The following COX7B2 variants were observed in gnomAD, a reference collection of about 807,000 sequenced individuals.
The protein encoded by COX7B2 is cytochrome c oxidase subunit 7B2, mitochondrial.
For synonymous variants in COX7B2, 37 were observed against 32.1 expected, an observed-to-expected ratio of 1.15 and a Z score of -0.51; for missense variants, 109 against 95.9, an observed-to-expected ratio of 1.14 and a Z score of -0.57.
chr4:46,834,737 A>G (rs953040540), intron 2 of COX7B2, among the ~76,000 whole-genome samples: 2 of 152,156 alleles, frequency 1.3e-5, no homozygotes, highest in East Asian at 1.9e-4. Context: ...AGTGTGCATA[A>G]TATTACTAAA....
At chr4:46,744,051 T>G (rs953645659) in intron 2 of COX7B2, among the ~76,000 whole-genome samples, 3 of 152,224 alleles carry the variant, frequency 2.0e-5, no homozygotes, top group African/African-American at 7.2e-5. Context: ...GCAGTTTTAA[T>G]ATTTGTGCAG....
At chr4:46,898,476 G>T (rs550091954) in intron 1 of COX7B2, among the ~76,000 whole-genome samples, 1 of 152,220 alleles carries the variant, frequency 6.6e-6, no homozygotes, top group Non-Finnish European at 1.5e-5. Flanking sequence ...GGAGTGCAGT[G>T]GTGTGATCAT....
chr4:46,900,060 A>C (rs756846832), intron 1 of COX7B2, among the ~76,000 whole-genome samples: 1 of 152,226 alleles, frequency 6.6e-6, no homozygotes, highest in Non-Finnish European at 1.5e-5. Flanking sequence ...AATCTGTAGC[A>C]ATTTGTTTCC....
Position 46,786,665 on chromosome 4 carries a change from C to T in COX7B2, c.-49-51424G>A, listed in dbSNP as rs140240164. ...AATTCTTCACCTTAGGGTTTACAGC[C>T]TGGTAGGATGTGAAAGTAGCCTGAA... is the stretch of plus-strand genomic sequence containing the variant. On this transcript the variant is annotated intron_variant, in intron 2 of 2. Coordinates refer to ENST00000355591, the MANE Select transcript of COX7B2 (RefSeq NM_130902.3). Among the ~76,000 whole-genome samples, 7 of 152,150 alleles carry T rather than the reference C, an allele frequency of 4.6e-5. No individual in the cohort carries two copies. The East Asian group carries it at 7.7e-4, about 17-fold the overall frequency.
At chr4:46,784,563 T>C (rs1717652107) in intron 2 of COX7B2, among the ~76,000 whole-genome samples, 1 of 152,080 alleles carries the variant, frequency 6.6e-6, no homozygotes, top group Admixed American at 6.6e-5. Context: ...AGGCGGAGGT[T>C]GCAGTGAGCC....
intron 2 of COX7B2, among the ~76,000 whole-genome samples, chr4:46,776,544 G>A (rs534690248): frequency 3.2e-4 from 48 of 152,154 alleles, no homozygotes; most frequent in African/African-American, 1.0e-3. Flanking sequence ...ATGATTAAGC[G>A]TGTAAAGTAC....
chr4:46,891,031 A>G (rs1719403262), intron 1 of COX7B2, among the ~76,000 whole-genome samples: 1 of 152,220 alleles, frequency 6.6e-6, no homozygotes, highest in African/African-American at 2.4e-5. Flanking sequence ...GGAAATGAAG[A>G]GGAATGGTTA....
intron 2 of COX7B2, among the ~76,000 whole-genome samples, chr4:46,840,437 C>G (rs902828529): frequency 6.6e-6 from 1 of 151,986 alleles, no homozygotes; most frequent in African/African-American, 2.4e-5. Flanking sequence ...CAAGAACTCT[C>G]TGTCATGAGG....
At chr4:46,900,827 G>A (rs924683165) in intron 1 of COX7B2, among the ~76,000 whole-genome samples, 1 of 152,248 alleles carries the variant, frequency 6.6e-6, no homozygotes, top group Non-Finnish European at 1.5e-5. Flanking sequence ...TGGCACCTAA[G>A]TCTTGGACTT....
In COX7B2 at chr4:46,841,418, G is replaced by C. The variant is rs376411165; in HGVS notation, c.-50+3542C>G. ...AGATGCCACTGTAGGGCAGAAATGA[G>C]GGTAAAATACTAAGAAAACTCCCAT... On this transcript the variant is annotated intron_variant, in intron 2 of 2. Transcript: ENST00000355591. Among the ~76,000 whole-genome samples the C allele has an allele frequency of 5.9e-5, 9 of 151,270 alleles. No individual in the cohort carries two copies. The East Asian group carries it at 1.2e-3, about 20-fold the overall frequency.
chr4:46,761,985 T>G (rs1346322054), intron 2 of COX7B2, among the ~76,000 whole-genome samples: 1 of 151,436 alleles, frequency 6.6e-6, no homozygotes, highest in Non-Finnish European at 1.5e-5. Flanking sequence ...TGTGATTGTG[T>G]GTACAGGATC....
chr4:46,883,612 C>T (rs985112488), intron 1 of COX7B2, among the ~76,000 whole-genome samples: 1 of 151,960 alleles, frequency 6.6e-6, no homozygotes, highest in Non-Finnish European at 1.5e-5. Context: ...GTGGCACGTG[C>T]CTGTTGTCCC....
At chr4:46,735,801 C>T (rs1367902295) in intron 2 of COX7B2, among the ~76,000 whole-genome samples, 1 of 152,124 alleles carries the variant, frequency 6.6e-6, no homozygotes, top group African/African-American at 2.4e-5. Context: ...TGGGTTATCA[C>T]ACAATTTACA....
chr4:46,760,342 T>C (rs1716072373), intron 2 of COX7B2, among the ~76,000 whole-genome samples: 1 of 151,928 alleles, frequency 6.6e-6, no homozygotes, highest in Non-Finnish European at 1.5e-5. Context: ...ATAAAGAAAA[T>C]GTGGCACATA....
At chr4:46,899,783 T>C (rs1386717695) in intron 1 of COX7B2, among the ~76,000 whole-genome samples, 1 of 152,214 alleles carries the variant, frequency 6.6e-6, no homozygotes, top group Non-Finnish European at 1.5e-5. Flanking sequence ...ATTTTTGACA[T>C]CTTAAAATAA....
chr4:46,854,624 G>C (rs1442262767), intron 1 of COX7B2, among the ~76,000 whole-genome samples: 7 of 152,062 alleles, frequency 4.6e-5, no homozygotes, highest in Admixed American at 4.6e-4. Context: ...GACAGATTTG[G>C]GAAAGAAGTG....
chr4:46,759,715 T>G lies in COX7B2; in HGVS notation c.-49-24474A>C, dbSNP rs190742590. 6.3e-4 allele frequency among the ~76,000 whole-genome samples: 95 copies of G among 151,942 alleles called. 1 individual carries two copies. The East Asian group carries it at 0.015, about 24-fold the overall frequency. ...GAAACAACATATGCTGGAGAGGATG[T>G]GGGGAAATAGGAATACTCTCAGGAA... is the stretch of plus-strand genomic sequence containing the variant. On this transcript the variant is annotated intron_variant, in intron 2 of 2. Transcript: ENST00000355591.
intron 1 of COX7B2, among the ~76,000 whole-genome samples, chr4:46,853,575 G>A (rs1716836603): frequency 6.6e-6 from 1 of 151,870 alleles, no homozygotes; most frequent in Non-Finnish European, 1.5e-5. Flanking sequence ...TCAAGATAAT[G>A]TTTTACCATA....
intron 2 of COX7B2, among the ~76,000 whole-genome samples, chr4:46,791,069 G>A (rs1281463606): frequency 1.3e-5 from 2 of 152,086 alleles, no homozygotes; most frequent in African/African-American, 4.8e-5. Context: ...GCGCGATCTC[G>A]GCTCACTGCA....
Sources: gnomAD v4.1 joint callset for allele counts (sites outside exome capture counted in the v4.1 genomes callset) on GRCh38, gnomAD v4.1.1 for gene constraint, MANE v1.5 for transcripts, NCBI Gene and HGNC (gene_info 2026-07-23, HGNC 2026-07-21) for gene names.